The following PARP1 variants were observed in gnomAD, a reference collection of about 807,000 sequenced individuals.
PARP1 encodes the protein poly [ADP-ribose] polymerase 1.
A neutral mutation model predicts 118.7 loss-of-function variants in PARP1; 44 were observed. That is an observed-to-expected ratio of 0.37 (90% CI 0.29 to 0.48). PARP1 has a LOEUF of 0.48. Ranked by LOEUF, PARP1 falls within the 20% of genes least tolerant of loss-of-function variation. The probability of loss-of-function intolerance (pLI) is 0.99; values close to 1 mark genes in which losing one functional copy is unlikely to be tolerated. For synonymous variants in PARP1, 492 were observed against 483.2 expected (o/e 1.02, Z -0.24); for missense variants, 1,100 against 1,272.4 (o/e 0.86, Z 2.06).
Position 226,366,860 on chromosome 1 carries a change from T to C in PARP1, c.2406+620A>G, listed in dbSNP as rs958755987. On this transcript the variant is annotated intron_variant, in intron 17 of 22. Coordinates refer to ENST00000366794, the MANE Select transcript of PARP1 (RefSeq NM_001618.4). ...ACATACTCTCGCCCACCCAAACCCC[T>C]GCAACACTGCAGGGAATGGGCTGAG... 2 of 166,500 alleles carry C rather than the reference T, an allele frequency of 1.2e-5. 1 individual carries two copies. The highest frequency in any genetic ancestry group is 2.6e-5 in the Non-Finnish European group (2 of 75,780). The allele number at this position is 166,500 out of a possible 1,614,324, so 10.3% of individuals were successfully genotyped here. A position where few individuals can be genotyped will look rare whatever the true frequency, so the allele number is the denominator to read the frequency against.
intron 14 of PARP1, 68 bp from the exon 15 acceptor site, chr1:226,370,585 C>T (rs1220202674): frequency 1.1e-5 from 15 of 1,304,814 alleles, no homozygotes; most frequent in East Asian, 9.2e-5. Flanking sequence ...AGAGCTGGAC[C>T]GGGCAGCCCA....
intron 13 of PARP1, among the ~76,000 whole-genome samples, chr1:226,375,517 G>A (rs1349769434): frequency 1.3e-5 from 2 of 152,154 alleles, no homozygotes; most frequent in African/African-American, 2.4e-5. Context: ...CTCTGGACTG[G>A]TGCAGCCAGT....
Position 226,367,515 on chromosome 1 carries a change from C to G in PARP1, c.2371G>C (p.Asp791His), listed in dbSNP as rs374662166. ...GSDDSSKDPI[D>H]VNYEKLKTDI... ...GTTTTGAGCTTCTCATAGTTGACAT[C>G]GATGGGATCCTTGCTGCTATCATCA... The change falls in exon 17 of 23, where the codon GAT becomes CAT. Residue 791 changes from aspartate (D) to histidine (H), a missense_variant. This residue lies in a region of PARP1 where 948 missense variants were observed against 1,031.8 expected (regional missense o/e 0.92). Transcript: ENST00000366794. 6.2e-7 allele frequency: 1 copy of G among 1,614,016 alleles called. No homozygotes were observed. Among genetic ancestry groups the G allele is most frequent in the Non-Finnish European group, 8.5e-7 (1 of 1,180,026 alleles).
In PARP1 at chr1:226,366,056, G is replaced by A. The variant is rs1399985393; in HGVS notation, c.2407-4C>T. 3 of 1,601,520 alleles carry A rather than the reference G, an allele frequency of 1.9e-6. No homozygotes were observed. The African/African-American group carries it at 4.0e-5, about 21-fold the overall frequency. On this transcript the variant is annotated splice_region_variant and splice_polypyrimidine_tract_variant and intron_variant, in intron 17 of 22. Transcript: ENST00000366794. Reference sequence around the variant, plus strand: ...CTTCAGAATCTCTGTCAACCACCTGGATAAACAGAATCTTGGGATTAGCAC... The same window carrying A: ...CTTCAGAATCTCTGTCAACCACCTGAATAAACAGAATCTTGGGATTAGCAC...
chr1:226,398,195 C>T (rs1286949549), intron 2 of PARP1, among the ~76,000 whole-genome samples: 2 of 152,108 alleles, frequency 1.3e-5, no homozygotes, highest in African/African-American at 4.8e-5. Flanking sequence ...TTCTGCTCTG[C>T]GGAAGACCAG....
At chr1:226,402,478 G>A in intron 1 of PARP1, 99 bp from the exon 2 acceptor site, 1 of 1,129,598 alleles carries the variant, frequency 8.9e-7, no homozygotes, top group South Asian at 1.3e-5. Flanking sequence ...CCCAGCCCCA[G>A]CAGTGGGATA....
chr1:226,368,086 T>C (rs1022185718), intron 16 of PARP1, 113 bp downstream of exon 16: 62 of 1,421,758 alleles, frequency 4.4e-5, no homozygotes, highest in Non-Finnish European at 5.7e-5. Flanking sequence ...GGCAAGAGGG[T>C]GGCCCTCCCA....
intron 5 of PARP1, among the ~76,000 whole-genome samples, chr1:226,387,530 C>T (rs1411758752): frequency 2.0e-5 from 3 of 152,178 alleles, no homozygotes; most frequent in Non-Finnish European, 4.4e-5. Flanking sequence ...CACGTCTGCA[C>T]CTGTTTCCCA....
chr1:226,378,669 G>T (rs936828674), intron 12 of PARP1, among the ~76,000 whole-genome samples: 1 of 151,954 alleles, frequency 6.6e-6, no homozygotes, highest in Non-Finnish European at 1.5e-5. Flanking sequence ...GCAACACAGC[G>T]AGGCCCGTCT....
In PARP1 at chr1:226,368,246, A is replaced by C. The variant is rs778540978; in HGVS notation, c.2230T>G (p.Phe744Val). 1.9e-5 allele frequency: 31 copies of C among 1,614,182 alleles called. No individual in the cohort carries two copies. The highest frequency in any genetic ancestry group is 2.6e-5 in the Non-Finnish European group (31 of 1,180,026). Residue 744 changes from phenylalanine (F) to valine (V), a missense_variant, in exon 16 of 23, where the codon TTT (phenylalanine) becomes GTT (valine). Physicochemically the swap from Phe to Val is conservative, Grantham distance 50. Transcript: ENST00000366794. ...NRFYTLIPHD[F>V]GMKKPPLLNN... ...AGGAGCGGAGGCTTCTTCATCCCAAAGTCGTGGGGGATCAGGGTGTAAAAG... is the reference window on the plus strand; with the variant it reads ...AGGAGCGGAGGCTTCTTCATCCCAACGTCGTGGGGGATCAGGGTGTAAAAG...
rs759190516 is a variant in PARP1, at chr1:226,383,134, T to G, written c.1061A>C (p.Asp354Ala). 16 of 1,612,824 alleles carry G rather than the reference T, an allele frequency of 9.9e-6. No homozygotes were observed. Among genetic ancestry groups the G allele is most frequent in the African/African-American group, 2.7e-5 (2 of 74,912 alleles). ...GCTGGTTTCTGGGGGGAATATACGG[T>G]CCTGTTTTTTAACCTTCAATTTCTT... ...YLKKLKVKKQ[D>A]RIFPPETSAS... is the part of the protein sequence containing the mutation. The change falls in exon 8 of 23, where the codon GAC becomes GCC. Residue 354 changes from aspartate to alanine, a missense_variant. By Grantham distance (126) the Asp-to-Ala change is moderately radical (BLOSUM62 -2). Transcript: ENST00000366794.
chr1:226,399,374 A>G (rs1394614515), intron 2 of PARP1, among the ~76,000 whole-genome samples: 2 of 152,170 alleles, frequency 1.3e-5, no homozygotes, highest in East Asian at 3.9e-4. Flanking sequence ...CCGGCTCGAC[A>G]TGGAGGAATC....
At chr1:226,380,609 G>A (rs923027517) in intron 9 of PARP1, among the ~76,000 whole-genome samples, 14 of 152,152 alleles carry the variant, frequency 9.2e-5, no homozygotes, top group African/African-American at 4.8e-5. Flanking sequence ...AGAGCAGTGC[G>A]AAGTGATGAG....
At chr1:226,406,901 A>G (rs989438345) in intron 1 of PARP1, among the ~76,000 whole-genome samples, 2 of 152,218 alleles carry the variant, frequency 1.3e-5, no homozygotes, top group Admixed American at 1.3e-4. Context: ...ATTACAGCTC[A>G]TGGAAGGGAG....
intron 14 of PARP1, among the ~76,000 whole-genome samples, chr1:226,373,596 T>C (rs1038766394): frequency 4.6e-5 from 7 of 152,342 alleles, no homozygotes; most frequent in Non-Finnish European, 1.0e-4. Context: ...TCTGCCATTC[T>C]GCCCTGGACA....
intron 2 of PARP1, among the ~76,000 whole-genome samples, chr1:226,397,603 G>A (rs928052332): frequency 6.6e-6 from 1 of 152,192 alleles, no homozygotes; most frequent in African/African-American, 2.4e-5. Context: ...GCTGTGTCAT[G>A]ATACTTGTGA....
rs148631906 is a variant in PARP1 at position 226,365,131 on chromosome 1, G to A, written c.2529C>T (p.Gly843=). 1.3e-4 allele frequency: 209 copies of A among 1,614,056 alleles called. No individual in the cohort carries two copies. Among genetic ancestry groups the A allele is most frequent in the Non-Finnish European group, 1.7e-4 (199 of 1,180,034 alleles). Residue 843 remains glycine (G), a synonymous_variant, in exon 19 of 23, where the codon GGC becomes GGT. Coordinates refer to ENST00000366794, the MANE Select transcript of PARP1 (RefSeq NM_001618.4). ...VIDIFKIERE[G]ECQRYKPFKQ... ...TAAAGGGCTTGTAACGCTGGCATTC[G>A]CCTTCACGCTCTATCTTAAAGATCT...
At chr1:226,398,569 C>T (rs1240023624) in intron 2 of PARP1, among the ~76,000 whole-genome samples, 1 of 147,584 alleles carries the variant, frequency 6.8e-6, no homozygotes, top group Non-Finnish European at 1.5e-5. Flanking sequence ...AGGCAAAAGA[C>T]ATTTCACCAA....
chr1:226,408,065 C>G lies in PARP1; in HGVS notation c.-136G>C. On this transcript the variant is annotated 5_prime_UTR_variant, in exon 1 of 23. Coordinates refer to ENST00000366794, the MANE Select transcript of PARP1 (RefSeq NM_001618.4). ...AGAGCCGCCACCGAACACGCCGCACCGGCCACCGCCGTTCCCTGATAGATT... is the reference window on the plus strand; with the variant it reads ...AGAGCCGCCACCGAACACGCCGCACGGGCCACCGCCGTTCCCTGATAGATT... 8.0e-7 allele frequency: 1 copy of G among 1,256,030 alleles called. No individual in the cohort carries two copies. Among genetic ancestry groups the G allele is most frequent in the Non-Finnish European group, 1.1e-6 (1 of 889,234 alleles). 77.8% of individuals were successfully genotyped at this position (1,256,030 alleles called of 1,614,324 possible). A position where few individuals can be genotyped will look rare whatever the true frequency, so the allele number is the denominator to read the frequency against.
Sources: allele counts gnomAD v4.1 joint callset (sites outside exome capture counted in the v4.1 genomes callset), GRCh38; gene constraint gnomAD v4.1.1; regional missense constraint gnomAD v4.1.1; transcripts MANE v1.5; gene names NCBI Gene and HGNC (gene_info 2026-07-23, HGNC 2026-07-21).